WDFY3: variants seen among roughly 807,000 people sequenced by gnomAD.
WDFY3 encodes WD repeat and FYVE domain containing 3.
WDFY3 carries 66 observed loss-of-function variants against 409.6 expected under a neutral mutation model. The observed-to-expected ratio is 0.16, with a 90% CI of 0.13 to 0.20. The LOEUF (loss-of-function observed/expected upper bound fraction) is 0.20, where lower values mean the gene tolerates loss of function less well. WDFY3 is among the 10% of genes least tolerant of loss of function. WDFY3 has a pLI of 1.00. For missense variants in WDFY3, 3,031 were observed against 4,298.1 expected, an observed-to-expected ratio of 0.71 and a Z score of 8.24; for synonymous variants, 1,521 against 1,537.1, an observed-to-expected ratio of 0.99 and a Z score of 0.25.
At chr4:84,904,632 T>G (rs778624489) in intron 2 of WDFY3, among the ~76,000 whole-genome samples, 1 of 152,218 alleles carries the variant, frequency 6.6e-6, no homozygotes, top group Non-Finnish European at 1.5e-5. Flanking sequence ...GTGTTCTTTC[T>G]GTGCTGTGGT....
In WDFY3 at chr4:84,671,386, A is replaced by G. The variant is rs1725422747; in HGVS notation, c.*1482T>C. 6.6e-6 allele frequency: 1 copy of G among 152,468 alleles called. No homozygotes were observed. Among genetic ancestry groups the G allele is most frequent in the African/African-American group, 2.4e-5 (1 of 41,398 alleles). The allele number at this position is 152,468 out of a possible 1,614,324, so 9.4% of individuals were successfully genotyped here. A position where few individuals can be genotyped will look rare whatever the true frequency, so the allele number is the denominator to read the frequency against. ...GAAGGCCTATCTTGGGCCATTAATG[A>G]TTCTATATTTTTCAAATCACAGGGC... On this transcript the variant is annotated 3_prime_UTR_variant, in exon 68 of 68. Transcript: ENST00000295888.
At chr4:84,777,927 G>A (rs1308050539) in intron 27 of WDFY3, among the ~76,000 whole-genome samples, 1 of 152,086 alleles carries the variant, frequency 6.6e-6, no homozygotes, top group Non-Finnish European at 1.5e-5. Flanking sequence ...AGAGAACAGA[G>A]TGTAAGCTGT....
At chr4:84,916,141 G>A (rs1486912343) in intron 2 of WDFY3, among the ~76,000 whole-genome samples, 3 of 152,168 alleles carry the variant, frequency 2.0e-5, no homozygotes, top group African/African-American at 4.8e-5. Flanking sequence ...ACGGATGAAC[G>A]ACATTATAAA....
At chr4:84,961,679 A>G (rs544924947) in intron 1 of WDFY3, among the ~76,000 whole-genome samples, 2 of 152,318 alleles carry the variant, frequency 1.3e-5, no homozygotes, top group African/African-American at 2.4e-5. Flanking sequence ...ATAAATATCT[A>G]TCATAAACTT....
intron 33 of WDFY3, among the ~76,000 whole-genome samples, chr4:84,756,586 CAAATAAAATAAAATA>C (rs143555953): frequency 0.011 from 1,435 of 129,024 alleles, 16 homozygotes; most frequent in African/African-American, 0.035. Context: ...CTCTGTCTCA[CAAATAAAATAAAATA>C]AAATAAAATA....
At chr4:84,723,003 C>A (rs1578253639) in intron 46 of WDFY3, among the ~76,000 whole-genome samples, 2 of 152,190 alleles carry the variant, frequency 1.3e-5, no homozygotes, top group Non-Finnish European at 2.9e-5. Flanking sequence ...TAGCATAATA[C>A]CCTGTATATT....
chr4:84,696,830 A>G lies in WDFY3; in HGVS notation c.8597-7T>C, dbSNP rs1730226997. 1 of 1,609,298 alleles carries G rather than the reference A, an allele frequency of 6.2e-7. No individual in the cohort carries two copies. The highest frequency in any genetic ancestry group is 1.3e-5 in the African/African-American group (1 of 74,500). ...GTGCCATTTTGTTTACAGCCTATGC[A>G]ATTGGATACATTAAAAATAAAAAAA... On this transcript the variant is annotated splice_polypyrimidine_tract_variant and splice_region_variant and intron_variant, in intron 56 of 67. Coordinates refer to ENST00000295888, the MANE Select transcript of WDFY3 (RefSeq NM_014991.6).
At chr4:84,806,500 T>C (rs912981077) in intron 15 of WDFY3, among the ~76,000 whole-genome samples, 1 of 149,744 alleles carries the variant, frequency 6.7e-6, no homozygotes, top group African/African-American at 2.6e-5. Context: ...GGAGCTACAC[T>C]GTAAATGATG....
intron 7 of WDFY3, among the ~76,000 whole-genome samples, chr4:84,833,711 C>A (rs114986860): frequency 6.6e-6 from 1 of 150,958 alleles, no homozygotes; most frequent in Non-Finnish European, 1.5e-5. Flanking sequence ...GAGAAGAGAA[C>A]AGAACAGAAG....
At chr4:84,909,619 T>A (rs1767503217) in intron 2 of WDFY3, among the ~76,000 whole-genome samples, 1 of 152,044 alleles carries the variant, frequency 6.6e-6, no homozygotes. Context: ...TTAGTAAAAA[T>A]TATTCCTTAT....
Position 84,964,477 on chromosome 4 carries a change from G to T in WDFY3, c.-226+1732C>A, listed in dbSNP as rs956039487. 8.5e-5 allele frequency among the ~76,000 whole-genome samples: 13 copies of T among 152,136 alleles called. No individual in the cohort carries two copies. The East Asian group carries it at 1.5e-3, about 18-fold the overall frequency. On this transcript the variant is annotated intron_variant, in intron 1 of 67. Coordinates refer to ENST00000295888, the MANE Select transcript of WDFY3 (RefSeq NM_014991.6). ...GGGCAAGACCCTGTCTCTAAAAAAA[G>T]AAATAAATAAATAAATTAAGAACAA... is the stretch of plus-strand genomic sequence containing the variant.
At chr4:84,897,320 A>G (rs192261870) in intron 2 of WDFY3, among the ~76,000 whole-genome samples, 78 of 152,298 alleles carry the variant, frequency 5.1e-4, no homozygotes, top group African/African-American at 1.9e-3. Flanking sequence ...GGTCACCTAT[A>G]AACTTTTCAG....
chr4:84,870,038 T>C (rs951123794), intron 3 of WDFY3, among the ~76,000 whole-genome samples: 9 of 152,184 alleles, frequency 5.9e-5, no homozygotes, highest in Admixed American at 5.9e-4. Context: ...ATCACAAAGA[T>C]GTCATACAAT....
chr4:84,919,384 C>CTACA, intron 2 of WDFY3, among the ~76,000 whole-genome samples: 1 of 152,078 alleles, frequency 6.6e-6, no homozygotes, highest in East Asian at 1.9e-4. Flanking sequence ...TCAATGGATG[C>CTACA]TACATACAGG....
intron 2 of WDFY3, among the ~76,000 whole-genome samples, chr4:84,907,670 C>T (rs533251493): frequency 1.3e-5 from 2 of 152,134 alleles, no homozygotes; most frequent in African/African-American, 2.4e-5. Flanking sequence ...TTTTCTTAAG[C>T]GACTTAACTT....
At chr4:84,924,175 A>G (rs1236475526) in intron 2 of WDFY3, among the ~76,000 whole-genome samples, 1 of 152,258 alleles carries the variant, frequency 6.6e-6, no homozygotes, top group African/African-American at 2.4e-5. Context: ...AATAATTGCA[A>G]TGTTTTAATA....
At chr4:84,695,430 C>T (rs905181052) in intron 58 of WDFY3, among the ~76,000 whole-genome samples, 4 of 150,926 alleles carry the variant, frequency 2.7e-5, no homozygotes, top group South Asian at 2.1e-4. Context: ...AGTGGTCTTC[C>T]GCTCCCCATT....
chr4:84,938,122 G>A (rs571757276), intron 1 of WDFY3, among the ~76,000 whole-genome samples: 1 of 152,108 alleles, frequency 6.6e-6, no homozygotes, highest in East Asian at 1.9e-4. Context: ...AAATCTATGA[G>A]GGCAATGGTT....
chr4:84,687,314 T>G (rs1728496634), intron 62 of WDFY3, among the ~76,000 whole-genome samples: 1 of 152,088 alleles, frequency 6.6e-6, no homozygotes, highest in African/African-American at 2.4e-5. Context: ...GGCTAATTTT[T>G]TTATTTTTAG....
Sources: gnomAD v4.1 joint callset for allele counts (sites outside exome capture counted in the v4.1 genomes callset) on GRCh38, gnomAD v4.1.1 for gene constraint, MANE v1.5 for transcripts, NCBI Gene and HGNC (gene_info 2026-07-23, HGNC 2026-07-21) for gene names.